Variants in PLEKHG6 observed in about 807,000 individuals in gnomAD.
PLEKHG6 encodes the protein pleckstrin homology and RhoGEF domain containing G6.
In PLEKHG6, 91 loss-of-function variants were observed where a neutral mutation model predicts 97.5. The ratio of observed to expected loss-of-function variants is 0.93; its 90% CI spans 0.79 to 1.11. The LOEUF (loss-of-function observed/expected upper bound fraction) is 1.11. Among genes scored for constraint, PLEKHG6 ranks in the 50% most tolerant of loss-of-function variants. PLEKHG6 has a pLI of 0.00. For missense variants in PLEKHG6, 1,044 were observed against 1,031.0 expected (o/e 1.01, Z -0.17); for synonymous variants, 466 against 425.5 (o/e 1.10, Z -1.17).
chr12:6,313,089 A>T, intron 2 of PLEKHG6: 2 of 1,532,130 alleles, frequency 1.3e-6, no homozygotes, highest in Non-Finnish European at 1.8e-6. Context: ...CCCTGGGAGG[A>T]GCTGTGTGGC....
At chr12:6,313,558 C>T in intron 2 of PLEKHG6, 71 bp from the exon 3 acceptor site, 1 of 1,551,110 alleles carries the variant, frequency 6.4e-7, no homozygotes. Context: ...CCAAGCCTGC[C>T]CCCCTACTAC....
At chr12:6,318,112 C>T (rs1270914327) in intron 10 of PLEKHG6, 118 bp downstream of exon 10, 7 of 1,383,922 alleles carry the variant, frequency 5.1e-6, no homozygotes, top group Non-Finnish European at 6.9e-6. Flanking sequence ...TCCATCATTC[C>T]TACCTGGTGG....
At chr12:6,322,032 A>G (rs1308075516) in intron 13 of PLEKHG6, among the ~76,000 whole-genome samples, 2 of 152,074 alleles carry the variant, frequency 1.3e-5, no homozygotes, top group Non-Finnish European at 1.5e-5. Flanking sequence ...CCTGCTTCCT[A>G]GGGAGATTCA....
chr12:6,318,381 G>A lies in PLEKHG6; in HGVS notation c.1236G>A (p.Leu412=). 6.2e-7 allele frequency: 1 copy of A among 1,612,798 alleles called. No individual in the cohort carries two copies. The highest frequency in any genetic ancestry group is 1.1e-5 in the South Asian group (1 of 90,926). Residue 412 remains leucine, a synonymous_variant, in exon 11 of 16, where the codon CTG becomes CTA. Coordinates refer to ENST00000684764, the MANE Select transcript of PLEKHG6 (RefSeq NM_001384598.1). The part of the protein sequence containing the change: ...VASEHTRQLL[L]EGPVRVKEGR... ...CTGAGCACACCAGACAGCTGCTGCT[G>A]GAGGGGCCTGTGCGAGTGAAGGAGG... is the stretch of plus-strand genomic sequence containing the variant.
At position 6,317,687 on chromosome 12, in the gene PLEKHG6, G is replaced by C; in HGVS notation, c.1008G>C (p.Leu336=). Residue 336 remains leucine (L), a synonymous_variant, in exon 9 of 16, where the codon CTG becomes CTC. Transcript: ENST00000684764. ...CCGAGGCACGAGCCCAAGAGGCCCT[G>C]AATGCCATGGTAGGTGCCCCAGTGG... ...RSPEARAQEA[L]NAMIEAVESF... 1 of 1,613,488 alleles carries C rather than the reference G, an allele frequency of 6.2e-7. No homozygotes were observed. Among genetic ancestry groups the C allele is most frequent in the South Asian group, 1.1e-5 (1 of 91,068 alleles).
intron 13 of PLEKHG6, among the ~76,000 whole-genome samples, chr12:6,320,174 G>T (rs1295136755): frequency 6.6e-6 from 1 of 152,190 alleles, no homozygotes; most frequent in Non-Finnish European, 1.5e-5. Context: ...GCCCATCTCT[G>T]CATGTCATGA....
At position 6,318,744 on chromosome 12, in the gene PLEKHG6, G is replaced by A. The variant is rs911952668; in HGVS notation, c.1276-1G>A. On this transcript the variant is annotated splice_acceptor_variant, in intron 11 of 15. Coordinates refer to ENST00000684764, the MANE Select transcript of PLEKHG6 (RefSeq NM_001384598.1). LOFTEE classifies it high-confidence loss of function. The stretch of plus-strand genomic sequence containing the variant: ...TCTTTCCCCTACGCCCCCACCCCCA[G>A]CTGGACGTGTACCTGTTCCTCTTCT... 3 of 1,613,056 alleles carry A rather than the reference G, an allele frequency of 1.9e-6. No individual in the cohort carries two copies. Among genetic ancestry groups the A allele is most frequent in the Admixed American group, 1.7e-5 (1 of 59,962 alleles).
intron 13 of PLEKHG6, among the ~76,000 whole-genome samples, chr12:6,324,292 T>TCCC (rs60601739): frequency 1.8e-4 from 22 of 121,840 alleles, no homozygotes; most frequent in East Asian, 1.5e-3. Context: ...CTCGCCCCCC[T>TCCC]CCCCCCCCCG....
intron 14 of PLEKHG6, 33 bp from the exon 15 acceptor site, chr12:6,327,221 C>T: frequency 7.3e-7 from 1 of 1,376,646 alleles, no homozygotes; most frequent in Non-Finnish European, 1.0e-6. Flanking sequence ...GAACTTGACC[C>T]CTACGCATCT....
In PLEKHG6 at chr12:6,327,534, G is replaced by A. The variant is rs754801518; in HGVS notation, c.1951G>A (p.Glu651Lys). 7.2e-7 allele frequency: 1 copy of A among 1,388,216 alleles called. No homozygotes were observed. The highest frequency in any genetic ancestry group is 1.1e-5 in the South Asian group (1 of 87,874). The allele number at this position is 1,388,216 out of a possible 1,614,324, so 86.0% of individuals were successfully genotyped here. A position where few individuals can be genotyped will look rare whatever the true frequency, so the allele number is the denominator to read the frequency against. The change falls in exon 15 of 16, where the codon GAA becomes AAA. Residue 651 changes from glutamate to lysine, a missense_variant. By Grantham distance (56) the Glu-to-Lys change is moderately conservative. Coordinates refer to ENST00000684764, the MANE Select transcript of PLEKHG6 (RefSeq NM_001384598.1). ...ACGCCGAAGCGCCCCCGAACTGCCG[G>A]AAGGAATCCTAAAAGGAGGCAGTCT... ...PQRRSAPELP[E>K]GILKGGSLPQ... is the part of the protein sequence containing the mutation.
chr12:6,318,541 A>C, intron 11 of PLEKHG6, 121 bp downstream of exon 11: 1 of 1,333,854 alleles, frequency 7.5e-7, no homozygotes, highest in Non-Finnish European at 1.0e-6. Context: ...GCTAAGCCCC[A>C]GTCATTTGTG....
At chr12:6,326,782 A>G (rs1947873028) in intron 14 of PLEKHG6, among the ~76,000 whole-genome samples, 1 of 152,162 alleles carries the variant, frequency 6.6e-6, no homozygotes, top group Non-Finnish European at 1.5e-5. Flanking sequence ...TAGGGCACAG[A>G]CAGCCTACAG....
At chr12:6,313,831 G>T in intron 3 of PLEKHG6, 47 bp downstream of exon 3, 1 of 1,498,036 alleles carries the variant, frequency 6.7e-7, no homozygotes, top group Non-Finnish European at 8.9e-7. Flanking sequence ...GGCCCCAATT[G>T]TGATGGCTCC....
intron 13 of PLEKHG6, 43 bp downstream of exon 13, chr12:6,319,151 C>A: frequency 1.5e-6 from 2 of 1,348,176 alleles, no homozygotes; most frequent in Non-Finnish European, 2.1e-6. Context: ...CAGGGGTCCC[C>A]GGAGCTCAGA....
At chr12:6,325,213 G>A (rs1592036067) in intron 13 of PLEKHG6, among the ~76,000 whole-genome samples, 1 of 146,036 alleles carries the variant, frequency 6.8e-6, no homozygotes, top group Admixed American at 7.1e-5. Flanking sequence ...CCGACCTTCT[G>A]TAACTCTTTA....
Position 6,316,510 on chromosome 12 carries a change from G to A in PLEKHG6, c.756+106G>A. The A allele has an allele frequency of 1.8e-6, 2 of 1,119,168 alleles. No homozygotes were observed. The highest frequency in any genetic ancestry group is 2.8e-5 in the Admixed American group (1 of 35,730). 69.3% of individuals were successfully genotyped at this position (1,119,168 alleles called of 1,614,324 possible). A position where few individuals can be genotyped will look rare whatever the true frequency, so the allele number is the denominator to read the frequency against. ...TATGCAAATCTCTGTGATTTGAGGG[G>A]CCGCAGGACACAGCCCCTACCCCTA... is the stretch of plus-strand genomic sequence containing the variant. On this transcript the variant is annotated intron_variant, in intron 7 of 15. Transcript: ENST00000684764. The surrounding 1 kb of genome is among the most constrained non-coding windows in gnomAD (Gnocchi z 4.1).
At chr12:6,312,503 G>T in intron 2 of PLEKHG6, 139 bp downstream of exon 2, 1 of 1,134,902 alleles carries the variant, frequency 8.8e-7, no homozygotes, top group Non-Finnish European at 1.2e-6. Flanking sequence ...CTGGGTTGCG[G>T]GAAAGAGGAG....
At chr12:6,326,137 T>G (rs1282815424) in intron 13 of PLEKHG6, among the ~76,000 whole-genome samples, 4 of 151,714 alleles carry the variant, frequency 2.6e-5, no homozygotes, top group Non-Finnish European at 2.9e-5. Flanking sequence ...AAACCCCATC[T>G]CTACTAAAAA....
At position 6,315,136 on chromosome 12, in the gene PLEKHG6, G is replaced by A; in HGVS notation, c.426G>A (p.Glu142=). ...GTGGCGACAGTGGCCTGACCATCGA[G>A]AAGTCCTGGAGGGAGCTGGTGCCTG... The part of the protein sequence containing the change: ...GEGGDSGLTI[E]KSWRELVPGH... Residue 142 remains glutamate (E), a synonymous_variant, in exon 4 of 16, where the codon GAG becomes GAA. Coordinates refer to ENST00000684764, the MANE Select transcript of PLEKHG6 (RefSeq NM_001384598.1). This position sits in a 1 kb window ranked among gnomAD's most constrained non-coding sequence, Gnocchi z 4.5. The A allele has an allele frequency of 6.2e-7, 1 of 1,612,232 alleles. No individual in the cohort carries two copies. Among genetic ancestry groups the A allele is most frequent in the Non-Finnish European group, 8.5e-7 (1 of 1,179,984 alleles).
Sources: allele counts gnomAD v4.1 joint callset (sites outside exome capture counted in the v4.1 genomes callset), GRCh38; gene constraint gnomAD v4.1.1; non-coding constraint Gnocchi (gnomAD v3.1); transcripts MANE v1.5; gene names NCBI Gene and HGNC (gene_info 2026-07-23, HGNC 2026-07-21).